The following FREM1 variants were observed in gnomAD, a reference collection of about 807,000 sequenced individuals.
FREM1 encodes the protein FRAS1-related extracellular matrix protein 1.
In FREM1, 220 loss-of-function variants were observed where a neutral mutation model predicts 210.1. That is an observed-to-expected ratio of 1.05 (90% CI 0.94 to 1.17). The LOEUF (loss-of-function observed/expected upper bound fraction) is 1.17. FREM1 is among the 50% of genes most tolerant of loss of function. FREM1 has a pLI of 0.00. For synonymous variants in FREM1, 1,189 were observed against 980.2 expected, an observed-to-expected ratio of 1.21 and a Z score of -3.98; for missense variants, 3,454 against 2,675.5, an observed-to-expected ratio of 1.29 and a Z score of -6.42.
At position 14,737,420 on chromosome 9, in the gene FREM1, A is replaced by G; in HGVS notation, c.6516T>C (p.Asn2172=). 6.2e-7 allele frequency: 1 copy of G among 1,613,734 alleles called. No homozygotes were observed. The highest frequency in any genetic ancestry group is 8.5e-7 in the Non-Finnish European group (1 of 1,179,782). ...TKDCRRAKPH[N]YVCSRKL Reference sequence around the variant, plus strand: ...TTTAGAGTTTTCTGGAACACACATAATTATGAGGTTTGGCTCTCCTACAGT... The same window carrying G: ...TTTAGAGTTTTCTGGAACACACATAGTTATGAGGTTTGGCTCTCCTACAGT... Residue 2172 remains asparagine, a synonymous_variant, in exon 37 of 37, where the codon AAT becomes AAC. Transcript: ENST00000380880.
chr9:14,893,217 T>A, intron 1 of FREM1, among the ~76,000 whole-genome samples: 1 of 152,196 alleles, frequency 6.6e-6, no homozygotes, highest in Non-Finnish European at 1.5e-5. Flanking sequence ...AATTACTGTT[T>A]ATCTCCTCTG....
At chr9:14,878,003 C>T (rs897954913) in intron 1 of FREM1, among the ~76,000 whole-genome samples, 1 of 152,216 alleles carries the variant, frequency 6.6e-6, no homozygotes, top group Admixed American at 6.5e-5. Flanking sequence ...AAGCCACCAC[C>T]AAGTCTCTGC....
chr9:14,876,358 T>C (rs1049185561), intron 1 of FREM1, among the ~76,000 whole-genome samples: 3 of 152,094 alleles, frequency 2.0e-5, no homozygotes, highest in Admixed American at 2.0e-4. Context: ...GCTGCTTTGT[T>C]TACCTAAGCA....
intron 25 of FREM1, chr9:14,774,139 C>G (rs1188256507): frequency 1.9e-6 from 1 of 519,012 alleles, no homozygotes; most frequent in Non-Finnish European, 3.8e-6. Flanking sequence ...GACCTCCTGA[C>G]TGCCAAGGAC....
At chr9:14,758,906 G>A (rs1435698714) in intron 28 of FREM1, among the ~76,000 whole-genome samples, 6 of 152,176 alleles carry the variant, frequency 3.9e-5, no homozygotes, top group African/African-American at 1.2e-4. Flanking sequence ...CAGGGTGCCT[G>A]TATTAGTATA....
chr9:14,845,779 G>C (rs982226358), intron 8 of FREM1, among the ~76,000 whole-genome samples, 181 bp downstream of exon 8: 1 of 152,190 alleles, frequency 6.6e-6, no homozygotes, highest in Non-Finnish European at 1.5e-5. Context: ...TAAATGGTTA[G>C]ACATTGATCT....
chr9:14,834,659 G>A (rs899876389), intron 10 of FREM1, among the ~76,000 whole-genome samples: 8 of 152,088 alleles, frequency 5.3e-5, no homozygotes, highest in South Asian at 2.1e-4. Context: ...ATGGTTCAGA[G>A]GGCCCCTGAA....
intron 16 of FREM1, among the ~76,000 whole-genome samples, chr9:14,809,117 A>G (rs1310374153): frequency 3.9e-5 from 6 of 152,168 alleles, no homozygotes; most frequent in Non-Finnish European, 8.8e-5. Context: ...ATGATAGTGA[A>G]TGAGTCTCAT....
At chr9:14,893,154 T>C (rs1184548591) in intron 1 of FREM1, among the ~76,000 whole-genome samples, 1 of 141,592 alleles carries the variant, frequency 7.1e-6, no homozygotes, top group African/African-American at 2.8e-5. Context: ...AGGGTAAGAA[T>C]TTTGACTTCT....
chr9:14,860,902 C>CGTATATATAT (rs1377329185), intron 3 of FREM1, among the ~76,000 whole-genome samples: 14 of 67,238 alleles, frequency 2.1e-4, no homozygotes, highest in Non-Finnish European at 2.6e-4. Context: ...TACATATATA[C>CGTATATATAT]ACATATACAC....
At chr9:14,874,085 C>T (rs1372646942) in intron 1 of FREM1, among the ~76,000 whole-genome samples, 7 of 152,068 alleles carry the variant, frequency 4.6e-5, no homozygotes, top group Admixed American at 2.6e-4. Context: ...GCTTTACTTC[C>T]AACTATGTGG....
Position 14,819,255 on chromosome 9 carries a change from T to G in FREM1, c.2525A>C (p.Asp842Ala), listed in dbSNP as rs1820843311. The G allele has an allele frequency of 6.2e-7, 1 of 1,612,904 alleles. No homozygotes were observed. The highest frequency in any genetic ancestry group is 1.7e-5 in the Admixed American group (1 of 59,910). The change falls in exon 14 of 37, where the codon GAT becomes GCT. Residue 842 changes from aspartate to alanine, a missense_variant. By Grantham distance (126) the Asp-to-Ala change is moderately radical. Coordinates refer to ENST00000380880, the MANE Select transcript of FREM1 (RefSeq NM_001379081.2). The part of the protein sequence containing the change: ...LNSGGTFSWG[D>A]LHTLKVRYQH... ...TAACCTAACTTTTAAGGTATGGAGA[T>G]CGCCCCAAGAAAATGTGCCCCCTGA...
chr9:14,844,123 C>T (rs1826176825), intron 8 of FREM1, among the ~76,000 whole-genome samples: 1 of 152,168 alleles, frequency 6.6e-6, no homozygotes, highest in South Asian at 2.1e-4. Context: ...TGTGTCTCCT[C>T]TGAACCCAGA....
At chr9:14,784,239 G>T in intron 24 of FREM1, 131 bp downstream of exon 24, 4 of 730,774 alleles carry the variant, frequency 5.5e-6, no homozygotes, top group South Asian at 4.2e-5. Flanking sequence ...ATAAATTTAA[G>T]GTATACAGCG....
chr9:14,842,243 C>T, intron 9 of FREM1, 73 bp downstream of exon 9: 1 of 943,604 alleles, frequency 1.1e-6, no homozygotes, highest in Non-Finnish European at 1.6e-6. Context: ...TCAGCAAACC[C>T]AGAAGGATGC....
Position 14,747,052 on chromosome 9 carries a change from C to G in FREM1, c.6010-1G>C, listed in dbSNP as rs566175340. On this transcript the variant is annotated splice_acceptor_variant, in intron 33 of 36. Transcript: ENST00000380880. LOFTEE classifies it high-confidence loss of function. ...TCTTTGGAAATGAGGGCAACTGGTCCTTTGGGAAGGAAAGGCAATTTAGCA... is the reference window on the plus strand; with the variant it reads ...TCTTTGGAAATGAGGGCAACTGGTCGTTTGGGAAGGAAAGGCAATTTAGCA... The G allele has an allele frequency of 1.2e-6, 2 of 1,613,058 alleles. No individual in the cohort carries two copies. The highest frequency in any genetic ancestry group is 3.3e-5 in the Admixed American group (2 of 59,828).
rs758886562 is a variant in FREM1 at position 14,747,357 on chromosome 9, G to A, written c.5916C>T (p.Ser1972=). 4.9e-5 allele frequency: 79 copies of A among 1,613,486 alleles called. No homozygotes were observed. Among genetic ancestry groups the A allele is most frequent in the Non-Finnish European group, 6.6e-5 (78 of 1,179,648 alleles). Residue 1972 remains serine, a synonymous_variant, in exon 33 of 37, where the codon TCC becomes TCT. Coordinates refer to ENST00000380880, the MANE Select transcript of FREM1 (RefSeq NM_001379081.2). ...TTGTCTTTTGTGGCTGACTAATGAT[G>A]GATACTTTGGCCTTCCTTTTGTGAG... ...FPTHKRKAKV[S]IISQPQKTIK...
intron 5 of FREM1, among the ~76,000 whole-genome samples, chr9:14,856,491 G>A (rs904397130): frequency 6.6e-6 from 1 of 152,096 alleles, no homozygotes; most frequent in Middle Eastern, 3.2e-3. Context: ...GGCCCCTTAG[G>A]AGAAATCCCA....
chr9:14,867,077 C>G (rs1831662136), intron 2 of FREM1, among the ~76,000 whole-genome samples: 1 of 152,082 alleles, frequency 6.6e-6, no homozygotes, highest in African/African-American at 2.4e-5. Flanking sequence ...CCAGGCTGGT[C>G]TCTAACTCCT....
Sources: allele counts gnomAD v4.1 joint callset (sites outside exome capture counted in the v4.1 genomes callset), GRCh38; gene constraint gnomAD v4.1.1; transcripts MANE v1.5; gene names NCBI Gene and HGNC (gene_info 2026-07-23, HGNC 2026-07-21).